Variants in CDC42BPB observed in about 807,000 individuals in gnomAD.
CDC42BPB encodes CDC42 binding protein kinase beta.
A neutral mutation model predicts 214.9 loss-of-function variants in CDC42BPB; 37 were observed. That is an observed-to-expected ratio of 0.17 (90% confidence interval 0.13 to 0.23). CDC42BPB has a LOEUF of 0.23. Ranked by LOEUF, CDC42BPB falls within the 10% of genes least tolerant of loss-of-function variation. The pLI, the probability that CDC42BPB is intolerant of heterozygous loss-of-function variation, is 1.00. For missense variants in CDC42BPB, 1,694 were observed against 2,227.0 expected, an observed-to-expected ratio of 0.76 and a Z score of 4.82; for synonymous variants, 931 against 884.0, an observed-to-expected ratio of 1.05 and a Z score of -0.94.
At chr14:102,974,281 T>TTCACAC in intron 11 of CDC42BPB, 132 bp from the exon 12 acceptor site, 1 of 1,315,120 alleles carries the variant, frequency 7.6e-7, no homozygotes, top group Non-Finnish European at 9.7e-7. Context: ...TTTTTTTACT[T>TTCACAC]ACACACACAC....
At chr14:102,950,154 C>T in intron 25 of CDC42BPB, 1 of 949,226 alleles carries the variant, frequency 1.1e-6, no homozygotes, top group Non-Finnish European at 1.3e-6. Flanking sequence ...GTGGTACACG[C>T]AGCCCGACAG....
chr14:103,039,574 T>C (rs1442501970), intron 1 of CDC42BPB, among the ~76,000 whole-genome samples: 1 of 152,140 alleles, frequency 6.6e-6, no homozygotes, highest in Non-Finnish European at 1.5e-5. Flanking sequence ...TCCAACACCC[T>C]TTCACATCAA....
intron 4 of CDC42BPB, among the ~76,000 whole-genome samples, chr14:103,003,240 TAG>T (rs1327754851): frequency 8.5e-5 from 13 of 152,106 alleles, no homozygotes; most frequent in Admixed American, 5.2e-4. Flanking sequence ...CAGGCAAACC[TAG>T]AGTCACTCTA....
In CDC42BPB at chr14:102,975,789, C is replaced by T. The variant is rs759330821; in HGVS notation, c.1402G>A (p.Val468Met). 4.3e-6 allele frequency: 7 copies of T among 1,614,166 alleles called. No individual in the cohort carries two copies. The highest frequency in any genetic ancestry group is 3.3e-5 in the Admixed American group (2 of 60,024). ...SRKLQESTQT[V>M]QSLHGSSRAL... ...CGAGATGAGCCGTGGAGGGACTGCA[C>T]GGTCTGGGTGGACTCTGAGGGATGG... Residue 468 changes from valine (V) to methionine (M), a missense_variant, in exon 11 of 37, where the codon GTG becomes ATG. Val to Met is a conservative substitution (Grantham distance 21). This residue lies in a region of CDC42BPB where 462 missense variants were observed against 513.5 expected (regional missense o/e 0.90). Transcript: ENST00000361246.
chr14:102,954,705 A>G lies in CDC42BPB; in HGVS notation c.2902-17T>C. 1 of 1,610,304 alleles carries G rather than the reference A, an allele frequency of 6.2e-7. No individual in the cohort carries two copies. Among genetic ancestry groups the G allele is most frequent in the Non-Finnish European group, 8.5e-7 (1 of 1,177,282 alleles). ...TGAGCTGGTCTGTGAGAACCAAGAA[A>G]GAAAGAGTGGGGTGAAAGGACATAT... On this transcript the variant is annotated splice_polypyrimidine_tract_variant and intron_variant, in intron 21 of 36. Transcript: ENST00000361246.
chr14:102,987,275 G>A (rs1416081123), intron 5 of CDC42BPB, among the ~76,000 whole-genome samples: 1 of 152,220 alleles, frequency 6.6e-6, no homozygotes, highest in Non-Finnish European at 1.5e-5. Context: ...TCCCACTAAC[G>A]CCTGTTTCTA....
rs760979271 is a variant in CDC42BPB at position 102,959,650 on chromosome 14, G to C, written c.2882C>G (p.Ala961Gly). 4 of 1,607,702 alleles carry C rather than the reference G, an allele frequency of 2.5e-6. No individual in the cohort carries two copies. The highest frequency in any genetic ancestry group is 3.4e-6 in the Non-Finnish European group (4 of 1,176,360). ...ACTTACTCTAAATGTCAGGTCATGT[G>C]CAAGAGGAGCAGTGTTGAAATACTC... ...IFEYFNTAPL[A>G]HDLTFRTSSA... is the part of the protein sequence containing the mutation. The change falls in exon 21 of 37, where the codon GCA (alanine) becomes GGA (glycine). Residue 961 changes from alanine to glycine, a missense_variant. Ala to Gly is a moderately conservative substitution (Grantham distance 60). This residue lies in a region of CDC42BPB where 156 missense variants were observed against 154.5 expected (regional missense o/e 1.01). Transcript: ENST00000361246.
intron 1 of CDC42BPB, among the ~76,000 whole-genome samples, chr14:103,053,641 A>G (rs918821107): frequency 4.6e-5 from 7 of 150,782 alleles, no homozygotes; most frequent in South Asian, 2.1e-4. Context: ...GGGCGCCTGT[A>G]GTCCCAGCTA....
intron 11 of CDC42BPB, 104 bp from the exon 12 acceptor site, chr14:102,974,253 C>A (rs1893628597): frequency 1.3e-6 from 2 of 1,487,824 alleles, no homozygotes; most frequent in Non-Finnish European, 8.9e-7. Flanking sequence ...TAATTCACAA[C>A]ACTTTTTCAT....
chr14:102,954,400 A>G (rs1892625525), intron 22 of CDC42BPB, 125 bp from the exon 23 acceptor site: 1 of 1,443,644 alleles, frequency 6.9e-7, no homozygotes, highest in Non-Finnish European at 9.1e-7. Flanking sequence ...TTAATTTGCT[A>G]CAATGTTGAG....
rs930454026 is a variant in CDC42BPB, at chr14:102,980,782, C to T, written c.1131G>A (p.Leu377=). ...GTGCTTTCACACTCACCGTGTTTCT[C>T]AGCACGTCGTCATCCACGTCGAAGT... ...TSNFDVDDDV[L]RNTEILPPGS... is the part of the protein sequence containing the mutation. Residue 377 remains leucine (L), a synonymous_variant, in exon 8 of 37, where the codon CTG becomes CTA. Transcript: ENST00000361246. 1 of 1,614,008 alleles carries T rather than the reference C, an allele frequency of 6.2e-7. No homozygotes were observed. Among genetic ancestry groups the T allele is most frequent in the Admixed American group, 1.7e-5 (1 of 60,006 alleles).
intron 14 of CDC42BPB, among the ~76,000 whole-genome samples, chr14:102,969,284 T>G (rs917158404): frequency 6.6e-6 from 1 of 152,062 alleles, no homozygotes. Flanking sequence ...GTGTGTCTGG[T>G]GTGGCGGGGC....
chr14:103,025,765 C>T (rs1334005778), intron 1 of CDC42BPB, among the ~76,000 whole-genome samples: 4 of 151,068 alleles, frequency 2.6e-5, no homozygotes, highest in South Asian at 4.2e-4. Context: ...TTGTAGCAAG[C>T]CACTGCACTC....
chr14:103,005,765 T>C (rs531183917), intron 3 of CDC42BPB, among the ~76,000 whole-genome samples: 2 of 152,168 alleles, frequency 1.3e-5, no homozygotes, highest in Non-Finnish European at 2.9e-5. Context: ...CTCACGCGTG[T>C]AATCCCAGCA....
In CDC42BPB at chr14:103,014,521, A is replaced by C. The variant is rs113237441; in HGVS notation, c.176-2333T>G. ...ATTTCTTACCACTGCAGGAGTGGCT[A>C]CAATTAGCTCCAAAACACATGCGAT... On this transcript the variant is annotated intron_variant, in intron 1 of 36. Transcript: ENST00000361246. Among the ~76,000 whole-genome samples the C allele has an allele frequency of 4.8e-3, 737 of 152,308 alleles. 12 individuals are homozygous for C. Among genetic ancestry groups the C allele is most frequent in the African/African-American group, 0.017 (688 of 41,544 alleles).
intron 21 of CDC42BPB, among the ~76,000 whole-genome samples, chr14:102,955,539 T>C (rs749106482): frequency 1.3e-5 from 2 of 152,228 alleles, no homozygotes; most frequent in Non-Finnish European, 2.9e-5. Flanking sequence ...ATTTAAGAAT[T>C]TCCTTGAAAA....
At chr14:103,051,539 T>A (rs1231809730) in intron 1 of CDC42BPB, among the ~76,000 whole-genome samples, 1 of 152,136 alleles carries the variant, frequency 6.6e-6, no homozygotes. Context: ...GTTTATCCAG[T>A]ATCACTAATG....
chr14:102,968,945 G>A (rs1048431297), intron 14 of CDC42BPB: 7 of 956,534 alleles, frequency 7.3e-6, no homozygotes, highest in African/African-American at 1.8e-5. Flanking sequence ...TGGGACCCCC[G>A]AAGCTCTGCC....
At chr14:102,975,847 G>A (rs547242713) in intron 10 of CDC42BPB, 36 bp downstream of exon 10, 43 of 1,613,710 alleles carry the variant, frequency 2.7e-5, no homozygotes, top group South Asian at 1.1e-4. Flanking sequence ...TGGCCGCAGC[G>A]CCCCCGCCTG....
Sources: allele counts gnomAD v4.1 joint callset (sites outside exome capture counted in the v4.1 genomes callset), GRCh38; gene constraint gnomAD v4.1.1; regional missense constraint gnomAD v4.1.1; transcripts MANE v1.5; gene names NCBI Gene and HGNC (gene_info 2026-07-23, HGNC 2026-07-21).